WDR7: variants seen among roughly 807,000 people sequenced by gnomAD.
WDR7 encodes the protein WD repeat-containing protein 7.
Under a neutral mutation model 169.4 loss-of-function variants are expected in WDR7, and 46 were observed. That is an observed-to-expected ratio of 0.27 (90% CI 0.21 to 0.35). The LOEUF (loss-of-function observed/expected upper bound fraction) is 0.35, where lower values mean the gene tolerates loss of function less well. Among genes scored for constraint, WDR7 ranks in the 10% least tolerant of loss-of-function variants. WDR7 has a pLI of 1.00. For missense variants in WDR7, 1,534 were observed against 1,859.3 expected (o/e 0.83, Z 3.22); for synonymous variants, 612 against 666.8 (o/e 0.92, Z 1.27).
At chr18:56,674,148 C>A (rs534424679) in intron 2 of WDR7, among the ~76,000 whole-genome samples, 159 of 152,196 alleles carry the variant, frequency 1.0e-3, no homozygotes, top group African/African-American at 3.7e-3. Flanking sequence ...TACACCCGAG[C>A]GTGGAATTGT....
At chr18:56,705,998 A>G (rs1011085775) in intron 12 of WDR7, among the ~76,000 whole-genome samples, 2 of 152,232 alleles carry the variant, frequency 1.3e-5, no homozygotes, top group African/African-American at 2.4e-5. Flanking sequence ...ATGCCGTCTC[A>G]AAAACCACAA....
intron 21 of WDR7, among the ~76,000 whole-genome samples, chr18:56,922,844 A>G (rs769599363): frequency 6.6e-6 from 1 of 152,168 alleles, no homozygotes; most frequent in Non-Finnish European, 1.5e-5. Flanking sequence ...TATAAAAATT[A>G]TTATATACTT....
At chr18:56,927,413 C>G (rs147491488) in intron 22 of WDR7, among the ~76,000 whole-genome samples, 519 of 151,992 alleles carry the variant, frequency 3.4e-3, no homozygotes, top group South Asian at 0.025. Flanking sequence ...TTGAGACCAG[C>G]CTGAGCAAAA....
intron 20 of WDR7, among the ~76,000 whole-genome samples, chr18:56,827,999 C>T (rs1052505269): frequency 1.3e-5 from 2 of 152,200 alleles, no homozygotes; most frequent in Admixed American, 1.3e-4. Context: ...CTTCTCATTA[C>T]CACCATCATC....
chr18:56,780,031 G>A (rs1170801912), intron 18 of WDR7, among the ~76,000 whole-genome samples: 2 of 152,048 alleles, frequency 1.3e-5, no homozygotes, highest in African/African-American at 4.8e-5. Flanking sequence ...TGTGACCCTG[G>A]GCAATTTACT....
intron 25 of WDR7, among the ~76,000 whole-genome samples, chr18:56,955,808 T>C (rs1350752727): frequency 6.6e-6 from 1 of 152,174 alleles, no homozygotes; most frequent in Non-Finnish European, 1.5e-5. Flanking sequence ...AGTACCATTA[T>C]TGTTCCCCTG....
At chr18:56,882,356 C>A (rs928078283) in intron 21 of WDR7, among the ~76,000 whole-genome samples, 1 of 152,204 alleles carries the variant, frequency 6.6e-6, no homozygotes, top group Non-Finnish European at 1.5e-5. Context: ...TGCTCAATAA[C>A]TCCCTGAGAG....
chr18:57,002,179 A>G (rs2047991559), intron 26 of WDR7, among the ~76,000 whole-genome samples: 1 of 152,176 alleles, frequency 6.6e-6, no homozygotes, highest in South Asian at 2.1e-4. Context: ...AGTGTCTATG[A>G]TAATGTACTA....
intron 1 of WDR7, among the ~76,000 whole-genome samples, chr18:56,664,200 G>A (rs2024969773): frequency 6.6e-6 from 1 of 152,142 alleles, no homozygotes; most frequent in Admixed American, 6.5e-5. Context: ...GTCATTTTAG[G>A]ATTGTTGACC....
intron 14 of WDR7, among the ~76,000 whole-genome samples, chr18:56,751,196 A>T (rs1395894209): frequency 6.6e-6 from 1 of 152,130 alleles, no homozygotes. Flanking sequence ...CAGACACTAG[A>T]TGACCTTTCA....
At chr18:56,708,427 TG>T (rs2144698304) in intron 12 of WDR7, among the ~76,000 whole-genome samples, 1 of 152,290 alleles carries the variant, frequency 6.6e-6, no homozygotes, top group East Asian at 1.9e-4. Flanking sequence ...GATGTGTGGT[TG>T]CCATTTAAGT....
chr18:56,725,874 G>A (rs1230084654), intron 13 of WDR7, among the ~76,000 whole-genome samples: 2 of 152,092 alleles, frequency 1.3e-5, no homozygotes, highest in East Asian at 3.9e-4. Flanking sequence ...TCTACATATG[G>A]CTAGCCAGTT....
downstream of WDR7, chr18:57,029,977 C>T (rs2048424902): frequency 6.6e-6 from 1 of 152,174 alleles, no homozygotes; most frequent in African/African-American, 2.4e-5. Context: ...GCTCTCCCTC[C>T]AGAAACTCAC....
chr18:56,681,261 A>T, intron 3 of WDR7, 52 bp from the exon 4 acceptor site: 1 of 1,205,420 alleles, frequency 8.3e-7, no homozygotes, highest in Non-Finnish European at 1.2e-6. Flanking sequence ...GACAAAGTTG[A>T]ATGGTGCTTT....
intron 21 of WDR7, among the ~76,000 whole-genome samples, chr18:56,886,053 A>G (rs1009186010): frequency 6.6e-6 from 1 of 152,224 alleles, no homozygotes; most frequent in Non-Finnish European, 1.5e-5. Flanking sequence ...TTTGGAAAAC[A>G]TATTTGAGGG....
intron 1 of WDR7, among the ~76,000 whole-genome samples, chr18:56,654,289 G>T (rs113519219): frequency 1.3e-5 from 2 of 151,882 alleles, no homozygotes; most frequent in African/African-American, 2.4e-5. Context: ...GCGCCACTAC[G>T]CCCAGCTAAT....
chr18:56,724,325 C>T (rs2026392313), intron 13 of WDR7, among the ~76,000 whole-genome samples: 4 of 150,724 alleles, frequency 2.7e-5, no homozygotes, highest in South Asian at 4.2e-4. Context: ...GATTATCCTG[C>T]CTCAGGCCTC....
At chr18:56,721,392 G>A (rs1408855651) in intron 13 of WDR7, 7 of 152,154 alleles carry the variant, frequency 4.6e-5, no homozygotes, top group African/African-American at 1.7e-4. Flanking sequence ...ACAAAATGTA[G>A]AGAGCTGGAG....
intron 21 of WDR7, among the ~76,000 whole-genome samples, chr18:56,921,532 A>G (rs545810954): frequency 3.3e-5 from 5 of 152,232 alleles, no homozygotes; most frequent in Admixed American, 6.5e-5. Flanking sequence ...AAGAGAAGGG[A>G]TGCTGGTGCT....
Sources: gnomAD v4.1 joint callset for allele counts (sites outside exome capture counted in the v4.1 genomes callset) on GRCh38, gnomAD v4.1.1 for gene constraint, MANE v1.5 for transcripts, NCBI Gene and HGNC (gene_info 2026-07-23, HGNC 2026-07-21) for gene names.